The following MED27 variants were observed in gnomAD, a reference collection of about 807,000 sequenced individuals.
The protein encoded by MED27 is mediator complex subunit 27, also known as mediator of RNA polymerase II transcription subunit 27.
MED27 carries 30 observed loss-of-function variants against 38.2 expected under a neutral mutation model. The observed-to-expected ratio is 0.79, with a 90% CI of 0.59 to 1.07. The LOEUF is 1.07. Among genes scored for constraint, MED27 ranks in the 50% least tolerant of loss-of-function variants. The probability of loss-of-function intolerance (pLI) is 0.00; values close to 1 mark genes in which losing one functional copy is unlikely to be tolerated. For synonymous variants in MED27, 122 were observed against 153.5 expected (o/e 0.79, Z 1.52); for missense variants, 289 against 397.5 (o/e 0.73, Z 2.32).
intron 3 of MED27, among the ~76,000 whole-genome samples, chr9:131,944,021 C>T (rs375309767): frequency 6.6e-5 from 10 of 152,160 alleles, no homozygotes; most frequent in South Asian, 4.2e-4. Context: ...GTTTCCAATC[C>T]ACTTTTTTCC....
chr9:131,991,629 ATATATAGCATG>A (rs1831976859), intron 3 of MED27, among the ~76,000 whole-genome samples: 1 of 152,236 alleles, frequency 6.6e-6, no homozygotes, highest in African/African-American at 2.4e-5. Flanking sequence ...TCAACACAAA[ATATATAGCATG>A]AAATTTAATT....
At chr9:131,965,929 A>G (rs541115810) in intron 3 of MED27, among the ~76,000 whole-genome samples, 1 of 151,860 alleles carries the variant, frequency 6.6e-6, no homozygotes, top group African/African-American at 2.4e-5. Context: ...TTTGCAAAAT[A>G]TAACGCACCA....
chr9:132,077,178 G>C (rs1589307956), intron 2 of MED27, among the ~76,000 whole-genome samples: 1 of 152,274 alleles, frequency 6.6e-6, no homozygotes, highest in East Asian at 1.9e-4. Context: ...GTTCATAAGA[G>C]TTGCTCCCTA....
At chr9:131,994,561 A>C (rs1456608993) in intron 3 of MED27, among the ~76,000 whole-genome samples, 2 of 152,258 alleles carry the variant, frequency 1.3e-5, no homozygotes, top group East Asian at 3.8e-4. Flanking sequence ...CTGCGAGCTC[A>C]ATCAGGCAGG....
intron 4 of MED27, among the ~76,000 whole-genome samples, chr9:131,920,522 C>G (rs1350031579): frequency 6.6e-6 from 1 of 152,220 alleles, no homozygotes; most frequent in Non-Finnish European, 1.5e-5. Context: ...AGACAAACAT[C>G]TCTCCTGTGT....
At position 132,078,322 on chromosome 9, in the gene MED27, A is replaced by G. The variant is rs534081717; in HGVS notation, c.204-736T>C. 9.2e-5 allele frequency among the ~76,000 whole-genome samples: 14 copies of G among 152,306 alleles called. No individual in the cohort carries two copies. In the South Asian group the frequency reaches 2.1e-3, roughly 23 times the overall value. ...CACCTTCTTCTTGGCACTACTGTACAAAGATTTAAGAAGGCAAAAGGATAA... is the reference window on the plus strand; with the variant it reads ...CACCTTCTTCTTGGCACTACTGTACGAAGATTTAAGAAGGCAAAAGGATAA... On this transcript the variant is annotated intron_variant, in intron 1 of 7. Coordinates refer to ENST00000292035, the MANE Select transcript of MED27 (RefSeq NM_004269.4).
intron 3 of MED27, among the ~76,000 whole-genome samples, chr9:131,944,089 C>T (rs891569598): frequency 6.6e-6 from 1 of 152,200 alleles, no homozygotes; most frequent in Non-Finnish European, 1.5e-5. Flanking sequence ...GCCTCAACAT[C>T]TCCGCTGCAT....
intron 2 of MED27, among the ~76,000 whole-genome samples, chr9:132,071,256 G>A (rs554838831): frequency 6.6e-6 from 1 of 151,984 alleles, no homozygotes; most frequent in Non-Finnish European, 1.5e-5. Context: ...GTCAGGCTCT[G>A]GAGCCTACGC....
At chr9:131,961,469 A>C (rs1831212988) in intron 3 of MED27, among the ~76,000 whole-genome samples, 1 of 152,230 alleles carries the variant, frequency 6.6e-6, no homozygotes, top group Non-Finnish European at 1.5e-5. Flanking sequence ...AACAACGTAA[A>C]GCATTTACAC....
At chr9:132,033,499 G>A (rs1564333227) in intron 2 of MED27, among the ~76,000 whole-genome samples, 1 of 152,050 alleles carries the variant, frequency 6.6e-6, no homozygotes, top group African/African-American at 2.4e-5. Context: ...AGTACCACCC[G>A]CCTCCCCTTT....
intron 3 of MED27, among the ~76,000 whole-genome samples, chr9:131,973,744 G>C (rs1403757575): frequency 1.3e-5 from 2 of 151,908 alleles, no homozygotes; most frequent in South Asian, 4.1e-4. Flanking sequence ...GTCTTGCTCT[G>C]TTGCCCAGGC....
At chr9:131,887,890 G>T (rs549630142) in intron 5 of MED27, among the ~76,000 whole-genome samples, 1 of 152,224 alleles carries the variant, frequency 6.6e-6, no homozygotes, top group East Asian at 1.9e-4. Context: ...GGGGATTGCA[G>T]TAAGTATTTT....
intron 3 of MED27, among the ~76,000 whole-genome samples, chr9:131,957,105 A>T (rs932110688): frequency 6.6e-6 from 1 of 152,216 alleles, no homozygotes; most frequent in African/African-American, 2.4e-5. Context: ...TGGCAGAACA[A>T]CTTTGGAAAG....
At chr9:131,906,397 A>G (rs1371562429) in intron 4 of MED27, among the ~76,000 whole-genome samples, 2 of 152,254 alleles carry the variant, frequency 1.3e-5, no homozygotes, top group Non-Finnish European at 2.9e-5. Flanking sequence ...GGAGCAGAGC[A>G]GCACAGGCCG....
intron 6 of MED27, among the ~76,000 whole-genome samples, chr9:131,875,992 C>T (rs755006161): frequency 3.3e-5 from 5 of 152,154 alleles, no homozygotes; most frequent in Non-Finnish European, 2.9e-5. Flanking sequence ...GATGACACGG[C>T]GAATGGCTCT....
rs1183649718 is a variant in MED27, at chr9:131,997,406, T to A, written c.479+16931A>T. Among the ~76,000 whole-genome samples, 1 of 152,190 alleles carries A rather than the reference T, an allele frequency of 6.6e-6. No homozygotes were observed. Among genetic ancestry groups the A allele is most frequent in the African/African-American group, 2.4e-5 (1 of 41,444 alleles). ...TATCTCACCGAGGTCACAGCCTTCC[T>A]GGAGCCACCTGCATATGGTGACTGA... is the stretch of plus-strand genomic sequence containing the variant. On this transcript the variant is annotated intron_variant, in intron 3 of 7. Transcript: ENST00000292035. This position sits in a 1 kb window ranked among gnomAD's most constrained non-coding sequence, Gnocchi z 4.0.
chr9:132,040,740 C>A (rs1390735932), intron 2 of MED27, among the ~76,000 whole-genome samples: 8 of 152,200 alleles, frequency 5.3e-5, no homozygotes, highest in Admixed American at 5.2e-4. Context: ...TGCCGGTACG[C>A]CCTGTGCACG....
At chr9:131,957,348 G>A (rs1000314459) in intron 3 of MED27, among the ~76,000 whole-genome samples, 2 of 151,684 alleles carry the variant, frequency 1.3e-5, no homozygotes, top group African/African-American at 2.4e-5. Context: ...GCAATCTCCC[G>A]GGCACAAGCA....
chr9:131,898,956 G>A (rs1326859204), intron 4 of MED27, among the ~76,000 whole-genome samples: 2 of 152,132 alleles, frequency 1.3e-5, no homozygotes, highest in South Asian at 2.1e-4. Context: ...ATCAGGTCTC[G>A]GCTCTGCTGT....
Sources: allele counts gnomAD v4.1 joint callset (sites outside exome capture counted in the v4.1 genomes callset), GRCh38; gene constraint gnomAD v4.1.1; non-coding constraint Gnocchi (gnomAD v3.1); transcripts MANE v1.5; gene names NCBI Gene and HGNC (gene_info 2026-07-23, HGNC 2026-07-21).